The following ERI1 variants were observed in gnomAD, a reference collection of about 807,000 sequenced individuals.
The protein encoded by ERI1 is 3'-5' exoribonuclease 1.
ERI1 carries 39 observed loss-of-function variants against 39.7 expected under a neutral mutation model. That is an observed-to-expected ratio of 0.98 (90% CI 0.76 to 1.28). The LOEUF is 1.28. Ranked by LOEUF, ERI1 falls within the 50% of genes most tolerant of loss-of-function variation. The probability of loss-of-function intolerance (pLI) is 0.00; values close to 1 mark genes in which losing one functional copy is unlikely to be tolerated. For synonymous variants in ERI1, 204 were observed against 149.6 expected (o/e 1.36, Z -2.65); for missense variants, 581 against 416.9 (o/e 1.39, Z -3.43).
chr8:9,057,756 G>C (rs974437057), intron 3 of ERI1, among the ~76,000 whole-genome samples: 1 of 152,144 alleles, frequency 6.6e-6, no homozygotes, highest in Non-Finnish European at 1.5e-5. Context: ...GGGGTGGTTT[G>C]GAGAAAACTG....
intron 2 of ERI1, among the ~76,000 whole-genome samples, chr8:9,009,647 C>A (rs533695218): frequency 6.6e-6 from 1 of 152,072 alleles, no homozygotes; most frequent in Non-Finnish European, 1.5e-5. Context: ...TCAAGCGATT[C>A]TCGTGCCTCA....
chr8:9,041,379 A>T (rs958679824), intron 3 of ERI1, among the ~76,000 whole-genome samples: 1 of 152,162 alleles, frequency 6.6e-6, no homozygotes, highest in Non-Finnish European at 1.5e-5. Flanking sequence ...GTGTTGAGGC[A>T]TACACGCTCT....
At chr8:9,090,374 C>G (rs903716077) in intron 3 of ERI1, among the ~76,000 whole-genome samples, 2 of 152,098 alleles carry the variant, frequency 1.3e-5, no homozygotes, top group African/African-American at 4.8e-5. Context: ...TTGGTTGACC[C>G]AATCATTCTA....
chr8:9,015,161 C>A (rs567781198), intron 3 of ERI1, among the ~76,000 whole-genome samples: 1 of 152,108 alleles, frequency 6.6e-6, no homozygotes, highest in Non-Finnish European at 1.5e-5. Flanking sequence ...TTGTTCTTTA[C>A]TGTTGCTCAT....
intron 3 of ERI1, among the ~76,000 whole-genome samples, chr8:9,076,635 T>G (rs184745017): frequency 2.6e-5 from 4 of 152,218 alleles, no homozygotes; most frequent in Non-Finnish European, 5.9e-5. Context: ...GGTAATACCA[T>G]GTGCTTCTCT....
intron 3 of ERI1, among the ~76,000 whole-genome samples, chr8:9,098,548 A>G (rs1005293906): frequency 3.3e-5 from 5 of 152,060 alleles, no homozygotes; most frequent in African/African-American, 1.2e-4. Context: ...AGAAGGATAC[A>G]GTGGGCTTTG....
In ERI1 at chr8:9,033,248, A is replaced by G. The variant is rs1461540156; in HGVS notation, c.*3214A>G. ...GTATGGCCTACAAACTATGGTTTTT[A>G]TATTCCCTTTTGTTAATGGCTCAAA... On this transcript the variant is annotated 3_prime_UTR_variant, in exon 7 of 7. Transcript: ENST00000250263. 6.6e-6 allele frequency: 1 copy of G among 152,196 alleles called. No individual in the cohort carries two copies. The highest frequency in any genetic ancestry group is 1.5e-5 in the Non-Finnish European group (1 of 68,034). The allele number at this position is 152,196 out of a possible 1,614,324, so 9.4% of individuals were successfully genotyped here.
chr8:9,064,543 T>A (rs952758611), intron 3 of ERI1, among the ~76,000 whole-genome samples: 19 of 152,062 alleles, frequency 1.2e-4, no homozygotes, highest in African/African-American at 4.6e-4. Flanking sequence ...GAATTGAAAT[T>A]AAGAGAAGTG....
chr8:9,053,409 G>C (rs1186930791), intron 3 of ERI1, among the ~76,000 whole-genome samples: 1 of 152,166 alleles, frequency 6.6e-6, no homozygotes, highest in South Asian at 2.1e-4. Flanking sequence ...GGGTTGATAA[G>C]CTCATGATGT....
chr8:9,065,992 G>A (rs1798862969), intron 3 of ERI1, among the ~76,000 whole-genome samples: 1 of 152,070 alleles, frequency 6.6e-6, no homozygotes, highest in Non-Finnish European at 1.5e-5. Flanking sequence ...ATAGGTCACG[G>A]CCGCCTTTTT....
At chr8:9,056,243 G>T (rs1378324350) in intron 3 of ERI1, among the ~76,000 whole-genome samples, 1 of 152,238 alleles carries the variant, frequency 6.6e-6, no homozygotes, top group Admixed American at 6.5e-5. Context: ...GGATCAGCTG[G>T]ATGGGGCACT....
chr8:9,012,242 C>A (rs1007988421), intron 3 of ERI1, among the ~76,000 whole-genome samples: 1 of 152,232 alleles, frequency 6.6e-6, no homozygotes, highest in Non-Finnish European at 1.5e-5. Flanking sequence ...GAACCTCTCT[C>A]TCTGGTGGAA....
At chr8:9,004,629 A>G (rs1815773220) in intron 1 of ERI1, among the ~76,000 whole-genome samples, 1 of 149,702 alleles carries the variant, frequency 6.7e-6, no homozygotes, top group South Asian at 2.1e-4. Context: ...GTGCCACTGC[A>G]CTCCAACCTG....
intron 3 of ERI1, chr8:9,096,651 T>G (rs1333836775): frequency 6.6e-6 from 1 of 151,274 alleles, no homozygotes; most frequent in African/African-American, 2.4e-5. Flanking sequence ...GAGGCCTAAG[T>G]GATCCAAAGT....
intron 6 of ERI1, among the ~76,000 whole-genome samples, chr8:9,028,538 C>T (rs1300558307): frequency 6.6e-6 from 1 of 152,104 alleles, no homozygotes; most frequent in East Asian, 1.9e-4. Context: ...AAGCTGAGGT[C>T]CAAGATGCAT....
intron 6 of ERI1, among the ~76,000 whole-genome samples, chr8:9,029,575 C>G (rs1172402951): frequency 6.6e-6 from 1 of 152,176 alleles, no homozygotes; most frequent in African/African-American, 2.4e-5. Flanking sequence ...AAGTGATCTG[C>G]CCACCTTGGC....
At chr8:9,005,004 T>G (rs192716353) in intron 1 of ERI1, among the ~76,000 whole-genome samples, 1 of 152,196 alleles carries the variant, frequency 6.6e-6, no homozygotes, top group Admixed American at 6.5e-5. Context: ...ACAGTGTTTT[T>G]CAATCTGGGC....
At chr8:9,036,033 G>C (rs1797833170), downstream of ERI1, among the ~76,000 whole-genome samples, 1 of 152,182 alleles carries the variant, frequency 6.6e-6, no homozygotes. Context: ...AATTGCTGCA[G>C]CCTCATGATA....
At chr8:9,065,530 C>G (rs1798844566) in intron 3 of ERI1, among the ~76,000 whole-genome samples, 1 of 151,914 alleles carries the variant, frequency 6.6e-6, no homozygotes, top group Non-Finnish European at 1.5e-5. Flanking sequence ...GCCGTCTCTA[C>G]TAAAAATACA....
Sources: gnomAD v4.1 joint callset for allele counts (sites outside exome capture counted in the v4.1 genomes callset) on GRCh38, gnomAD v4.1.1 for gene constraint, MANE v1.5 for transcripts, NCBI Gene and HGNC (gene_info 2026-07-23, HGNC 2026-07-21) for gene names.